The following STK32A variants were observed in gnomAD, a reference collection of about 807,000 sequenced individuals.
The protein encoded by STK32A is serine/threonine kinase 32A.
Under a neutral mutation model 53.2 loss-of-function variants are expected in STK32A, and 41 were observed. The ratio of observed to expected loss-of-function variants is 0.77; its 90% CI spans 0.60 to 1.00. STK32A has a LOEUF of 1.00. Among genes scored for constraint, STK32A ranks in the 50% least tolerant of loss-of-function variants. The probability of loss-of-function intolerance (pLI) is 0.00; values close to 1 mark genes in which losing one functional copy is unlikely to be tolerated. For synonymous variants in STK32A, 166 were observed against 162.8 expected (o/e 1.02, Z -0.15); for missense variants, 458 against 485.8 (o/e 0.94, Z 0.54).
At chr5:147,329,009 G>C (rs975554536) in intron 5 of STK32A, among the ~76,000 whole-genome samples, 1 of 152,080 alleles carries the variant, frequency 6.6e-6, no homozygotes, top group African/African-American at 2.4e-5. Context: ...ATAACTCACT[G>C]TTTGCTAAAT....
intron 2 of STK32A, among the ~76,000 whole-genome samples, chr5:147,270,084 T>C (rs1198175036): frequency 4.6e-5 from 7 of 152,168 alleles, no homozygotes; most frequent in African/African-American, 9.7e-5. Flanking sequence ...CAAAAGCAAT[T>C]GGTTTTAAAT....
chr5:147,295,356 A>AATAGT (rs1752819505), intron 4 of STK32A, among the ~76,000 whole-genome samples: 1 of 152,212 alleles, frequency 6.6e-6, no homozygotes, highest in South Asian at 2.1e-4. Flanking sequence ...TAGTTCATTA[A>AATAGT]ACAAAAGTAG....
chr5:147,323,338 C>T (rs961954066), intron 4 of STK32A, among the ~76,000 whole-genome samples: 1 of 152,198 alleles, frequency 6.6e-6, no homozygotes. Context: ...CTTTACTTCC[C>T]CATCCCAAAG....
chr5:147,254,307 T>TTACA (rs1300379969), intron 2 of STK32A, among the ~76,000 whole-genome samples: 1 of 152,152 alleles, frequency 6.6e-6, no homozygotes, highest in African/African-American at 2.4e-5. Flanking sequence ...CTTGAGCAGG[T>TTACA]TACATACTCT....
intron 9 of STK32A, among the ~76,000 whole-genome samples, chr5:147,372,443 T>C (rs1757043353): frequency 6.6e-6 from 1 of 151,862 alleles, no homozygotes; most frequent in African/African-American, 2.4e-5. Context: ...AGACATAGAA[T>C]GGGGGATCAT....
chr5:147,378,946 T>C (rs1048197250), intron 11 of STK32A, among the ~76,000 whole-genome samples: 8 of 148,488 alleles, frequency 5.4e-5, no homozygotes, highest in African/African-American at 2.0e-4. Flanking sequence ...AATAGTTTTT[T>C]TTTCTAATTC....
At chr5:147,255,606 C>T (rs1182049757) in intron 2 of STK32A, among the ~76,000 whole-genome samples, 1 of 152,128 alleles carries the variant, frequency 6.6e-6, no homozygotes, top group Non-Finnish European at 1.5e-5. Flanking sequence ...CCATTAGGGG[C>T]AGTGTTGTTT....
the STK32A span, chr5:147,395,782 G>A: frequency 6.3e-7 from 1 of 1,586,998 alleles, no homozygotes; most frequent in South Asian, 1.1e-5. Context: ...TCTGTTCTAG[G>A]TATCATAAAT....
At chr5:147,312,853 G>A (rs1466929237) in intron 4 of STK32A, among the ~76,000 whole-genome samples, 1 of 152,046 alleles carries the variant, frequency 6.6e-6, no homozygotes, top group Non-Finnish European at 1.5e-5. Context: ...TTTGCCCTTT[G>A]TTTTGACAAA....
At chr5:147,291,763 A>G (rs1304626612) in intron 4 of STK32A, among the ~76,000 whole-genome samples, 1 of 152,112 alleles carries the variant, frequency 6.6e-6, no homozygotes, top group Non-Finnish European at 1.5e-5. Context: ...GTGTGCTATA[A>G]TTTTCTTCTG....
the STK32A span, among the ~76,000 whole-genome samples, chr5:147,398,441 G>A: frequency 0.011 from 1,749 of 152,204 alleles, 40 homozygotes; most frequent in African/African-American, 0.04. Flanking sequence ...TCTATAAAAC[G>A]GAGGATAATA....
Position 147,246,211 on chromosome 5 carries a change from G to A in STK32A, c.52+6525G>A, listed in dbSNP as rs542025014. Reference sequence around the variant, plus strand: ...CTTGGACAACCTAACATTTAGTAAAGGCATTTGTCATAAATAACCTCAAGT... The same window carrying A: ...CTTGGACAACCTAACATTTAGTAAAAGCATTTGTCATAAATAACCTCAAGT... On this transcript the variant is annotated intron_variant, in intron 2 of 12. Coordinates refer to ENST00000397936, the MANE Select transcript of STK32A (RefSeq NM_001112724.2). Among the ~76,000 whole-genome samples, 7 of 152,266 alleles carry A rather than the reference G, an allele frequency of 4.6e-5. No homozygotes were observed. In the East Asian group the frequency reaches 1.4e-3, roughly 29 times the overall value.
At chr5:147,299,921 G>A (rs918635613) in intron 4 of STK32A, among the ~76,000 whole-genome samples, 2 of 152,134 alleles carry the variant, frequency 1.3e-5, no homozygotes, top group Admixed American at 1.3e-4. Context: ...GGATATGACT[G>A]AAGTCCCATA....
intron 11 of STK32A, among the ~76,000 whole-genome samples, chr5:147,378,652 G>T (rs913440537): frequency 2.6e-5 from 4 of 151,866 alleles, no homozygotes; most frequent in Non-Finnish European, 5.9e-5. Flanking sequence ...GTCAAGTGTT[G>T]GCAAGGGAAT....
intron 10 of STK32A, among the ~76,000 whole-genome samples, chr5:147,373,578 A>C (rs1195869735): frequency 2.0e-5 from 3 of 152,088 alleles, no homozygotes; most frequent in Non-Finnish European, 2.9e-5. Context: ...AGGAAGTCCT[A>C]GTTCCCCAAA....
intron 4 of STK32A, among the ~76,000 whole-genome samples, chr5:147,303,245 G>A (rs543893563): frequency 6.6e-6 from 1 of 152,296 alleles, no homozygotes; most frequent in South Asian, 2.1e-4. Context: ...ACTCAAAACA[G>A]CAAGTATTGA....
intron 7 of STK32A, among the ~76,000 whole-genome samples, chr5:147,361,098 A>G (rs1756484021): frequency 6.6e-6 from 1 of 152,176 alleles, no homozygotes. Flanking sequence ...TATCCAATGT[A>G]TGCTGTACCA....
intron 4 of STK32A, among the ~76,000 whole-genome samples, chr5:147,307,559 T>C (rs1178176906): frequency 2.0e-5 from 3 of 147,814 alleles, no homozygotes; most frequent in African/African-American, 7.5e-5. Context: ...GAGGTGGAGG[T>C]TGCAGTGTGC....
At chr5:147,324,130 G>A in intron 5 of STK32A, 59 bp downstream of exon 5, 1 of 1,441,184 alleles carries the variant, frequency 6.9e-7, no homozygotes, top group Non-Finnish European at 9.3e-7. Flanking sequence ...TCCACAACTG[G>A]CTACCTTCAA....
Sources: allele counts gnomAD v4.1 joint callset (sites outside exome capture counted in the v4.1 genomes callset), GRCh38; gene constraint gnomAD v4.1.1; transcripts MANE v1.5; gene names NCBI Gene and HGNC (gene_info 2026-07-23, HGNC 2026-07-21).